The following DNM3 variants were observed in gnomAD, a reference collection of about 807,000 sequenced individuals.
DNM3 encodes the protein dynamin 3, also known as dynamin-3.
In DNM3, 47 loss-of-function variants were observed where a neutral mutation model predicts 101.6. That is an observed-to-expected ratio of 0.46 (90% CI 0.37 to 0.59). The LOEUF (loss-of-function observed/expected upper bound fraction) is 0.59. Among genes scored for constraint, DNM3 ranks in the 20% least tolerant of loss-of-function variants. DNM3 has a pLI of 0.00. For synonymous variants in DNM3, 385 were observed against 387.9 expected, an observed-to-expected ratio of 0.99 and a Z score of 0.09; for missense variants, 849 against 1,085.7, an observed-to-expected ratio of 0.78 and a Z score of 3.06.
chr1:172,090,750 AG>A (rs1296496930), intron 12 of DNM3, among the ~76,000 whole-genome samples: 7 of 152,186 alleles, frequency 4.6e-5, no homozygotes, highest in African/African-American at 1.7e-4. Flanking sequence ...TAAATGTATC[AG>A]AGGAGTTTAT....
At chr1:172,171,667 A>G (rs1558674149) in intron 14 of DNM3, among the ~76,000 whole-genome samples, 1 of 151,718 alleles carries the variant, frequency 6.6e-6, no homozygotes, top group East Asian at 1.9e-4. Context: ...AAGAGATACA[A>G]TCATGCTTTG....
Position 172,157,215 on chromosome 1 carries a change from T to C in DNM3, c.1659+25927T>C, listed in dbSNP as rs191509625. ...CAGCGACAGATCATCAGGCATTAGA[T>C]TCTCATAAGGAACACACACCCTAGA... On this transcript the variant is annotated intron_variant, in intron 14 of 20. Transcript: ENST00000627582. Among the ~76,000 whole-genome samples, 756 of 152,196 alleles carry C rather than the reference T, an allele frequency of 5.0e-3. 6 individuals carry two copies. The highest frequency in any genetic ancestry group is 0.017 in the African/African-American group (716 of 41,540).
At chr1:172,255,401 A>T (rs987057859) in intron 15 of DNM3, among the ~76,000 whole-genome samples, 7 of 152,112 alleles carry the variant, frequency 4.6e-5, no homozygotes, top group Non-Finnish European at 1.0e-4. Context: ...TCTTGCCTAG[A>T]TGCAGAGTGG....
At chr1:171,967,590 C>T (rs1462615809) in intron 2 of DNM3, among the ~76,000 whole-genome samples, 1 of 152,126 alleles carries the variant, frequency 6.6e-6, no homozygotes, top group Non-Finnish European at 1.5e-5. Context: ...TAAGAGCACG[C>T]TCCCTAGAAA....
chr1:172,020,382 T>C (rs896944964), intron 4 of DNM3, among the ~76,000 whole-genome samples: 2 of 152,082 alleles, frequency 1.3e-5, no homozygotes, highest in Non-Finnish European at 2.9e-5. Context: ...CTCAGTAGTA[T>C]AGGTTCTGGT....
intron 11 of DNM3, among the ~76,000 whole-genome samples, chr1:172,069,598 A>T (rs1261787603): frequency 6.6e-6 from 1 of 152,122 alleles, no homozygotes; most frequent in Admixed American, 6.6e-5. Context: ...GTTTAAATGG[A>T]TTTTTCTTAG....
intron 17 of DNM3, among the ~76,000 whole-genome samples, chr1:172,371,868 T>C (rs1178755526): frequency 6.7e-6 from 1 of 149,066 alleles, no homozygotes; most frequent in Non-Finnish European, 1.5e-5. Flanking sequence ...ATTTTTATTT[T>C]TATTTTTTAT....
chr1:172,304,193 T>A lies in DNM3; in HGVS notation c.1770-4535T>A, dbSNP rs187203648. Among the ~76,000 whole-genome samples the A allele has an allele frequency of 2.5e-4, 21 of 85,196 alleles. 1 individual carries two copies. The highest frequency in any genetic ancestry group is 8.9e-4 in the Admixed American group (8 of 8,952). 55.9% of individuals were successfully genotyped at this position (85,196 alleles called of 152,430 possible). ...TAAAGGGATGGAGGAATATCTACCA[T>A]GCAAAAGGAAAGCAAAAAAAAAAAA... On this transcript the variant is annotated intron_variant, in intron 15 of 20. Coordinates refer to ENST00000627582, the MANE Select transcript of DNM3 (RefSeq NM_015569.5).
At chr1:172,243,678 G>A (rs2061832517) in intron 14 of DNM3, among the ~76,000 whole-genome samples, 1 of 152,164 alleles carries the variant, frequency 6.6e-6, no homozygotes, top group Non-Finnish European at 1.5e-5. Flanking sequence ...ATCAAACACA[G>A]GGAGTTTATA....
chr1:171,999,145 A>G (rs970743106), intron 4 of DNM3, among the ~76,000 whole-genome samples: 3 of 152,048 alleles, frequency 2.0e-5, no homozygotes, highest in Admixed American at 6.6e-5. Context: ...GCATGAATGT[A>G]AGCAAGGAGA....
At chr1:172,103,995 C>A (rs1009993393) in intron 13 of DNM3, among the ~76,000 whole-genome samples, 1 of 151,918 alleles carries the variant, frequency 6.6e-6, no homozygotes. Flanking sequence ...AGCGAGACTC[C>A]GTCTCAAAAA....
intron 13 of DNM3, among the ~76,000 whole-genome samples, chr1:172,096,995 A>G (rs1054093527): frequency 5.3e-5 from 8 of 152,108 alleles, no homozygotes; most frequent in African/African-American, 4.8e-5. Flanking sequence ...GAAGGGTTAT[A>G]AAGAGTTCTC....
intron 4 of DNM3, among the ~76,000 whole-genome samples, chr1:172,017,333 T>C (rs1047389299): frequency 3.3e-5 from 5 of 152,166 alleles, no homozygotes; most frequent in African/African-American, 7.2e-5. Flanking sequence ...TAATATCTTA[T>C]TCAATATTAT....
chr1:172,334,092 C>T (rs2066312202), intron 17 of DNM3, among the ~76,000 whole-genome samples: 1 of 152,128 alleles, frequency 6.6e-6, no homozygotes, highest in Admixed American at 6.6e-5. Flanking sequence ...ATAGTTCTGT[C>T]ACCACAATTA....
At chr1:172,014,395 A>G (rs1472998036) in intron 4 of DNM3, among the ~76,000 whole-genome samples, 1 of 152,166 alleles carries the variant, frequency 6.6e-6, no homozygotes, top group African/African-American at 2.4e-5. Flanking sequence ...AAGTGGCTAT[A>G]CCATTTTGCA....
chr1:171,874,483 G>A (rs1311905723), intron 1 of DNM3, among the ~76,000 whole-genome samples: 2 of 152,146 alleles, frequency 1.3e-5, no homozygotes, highest in East Asian at 3.9e-4. Context: ...CAGTGACAAA[G>A]TATCCAGTGG....
chr1:172,372,786 T>G (rs1302535648), intron 17 of DNM3, among the ~76,000 whole-genome samples: 1 of 147,806 alleles, frequency 6.8e-6, no homozygotes, highest in Non-Finnish European at 1.5e-5. Context: ...CAGGCTCAAG[T>G]GATCCTCCTA....
intron 15 of DNM3, among the ~76,000 whole-genome samples, chr1:172,260,950 CTCCT>C (rs1265977904): frequency 1.4e-5 from 2 of 147,458 alleles, no homozygotes; most frequent in Admixed American, 6.8e-5. Context: ...CTTCCTTCCT[CTCCT>C]TCCTTCCTTC....
At chr1:171,906,469 C>T (rs1160496910) in intron 1 of DNM3, among the ~76,000 whole-genome samples, 1 of 151,836 alleles carries the variant, frequency 6.6e-6, no homozygotes, top group Non-Finnish European at 1.5e-5. Context: ...AGCAACAAAA[C>T]TTTTGATTCC....
Sources: allele counts gnomAD v4.1 joint callset (sites outside exome capture counted in the v4.1 genomes callset), GRCh38; gene constraint gnomAD v4.1.1; transcripts MANE v1.5; gene names NCBI Gene and HGNC (gene_info 2026-07-23, HGNC 2026-07-21).